The following PKD1L3 variants were observed in gnomAD, a reference collection of about 807,000 sequenced individuals.
PKD1L3 encodes polycystin-1-like protein 3.
A neutral mutation model predicts 184.1 loss-of-function variants in PKD1L3; 239 were observed. The ratio of observed to expected loss-of-function variants is 1.30; its 90% CI spans 1.17 to 1.45. The LOEUF is 1.45. Ranked by LOEUF, PKD1L3 falls within the 40% of genes most tolerant of loss-of-function variation. The probability of loss-of-function intolerance (pLI) is 0.00; values close to 1 mark genes in which losing one functional copy is unlikely to be tolerated. For missense variants in PKD1L3, 2,660 were observed against 2,067.2 expected, an observed-to-expected ratio of 1.29 and a Z score of -5.56; for synonymous variants, 996 against 778.8, an observed-to-expected ratio of 1.28 and a Z score of -4.64.
At chr16:71,955,444 C>CA (rs1016308680) in intron 16 of PKD1L3, among the ~76,000 whole-genome samples, 2 of 150,046 alleles carry the variant, frequency 1.3e-5, no homozygotes, top group African/African-American at 2.4e-5. Flanking sequence ...AAAAAACAAA[C>CA]AAAAAAAGGG....
chr16:71,944,411 G>A (rs191227290), intron 22 of PKD1L3, among the ~76,000 whole-genome samples: 320 of 152,236 alleles, frequency 2.1e-3, no homozygotes, highest in Middle Eastern at 0.014. Flanking sequence ...TGAACACAGC[G>A]GCTCATGCCT....
intron 24 of PKD1L3, 143 bp downstream of exon 24, chr16:71,942,417 T>C: frequency 1.5e-6 from 1 of 649,482 alleles, no homozygotes; most frequent in Non-Finnish European, 2.6e-6. Flanking sequence ...AAAACACTTT[T>C]GGAGATGTAA....
Position 71,929,544 on chromosome 16 carries a change from T to G in PKD1L3, c.5193A>C (p.Leu1731=). The G allele has an allele frequency of 6.4e-7, 1 of 1,550,530 alleles. No individual in the cohort carries two copies. Among genetic ancestry groups the G allele is most frequent in the Non-Finnish European group, 8.7e-7 (1 of 1,146,668 alleles). The part of the protein sequence containing the change: ...VGSDTEVLDE[L]P ...CAAGTAGGAGATAACAGGATTAAGGTAGTTCATCTAAAACTTCAGTGTCAC... is the reference window on the plus strand; with the variant it reads ...CAAGTAGGAGATAACAGGATTAAGGGAGTTCATCTAAAACTTCAGTGTCAC... Residue 1731 remains leucine, a synonymous_variant, in exon 30 of 30, where the codon CTA becomes CTC. Coordinates refer to ENST00000620267, the MANE Select transcript of PKD1L3 (RefSeq NM_181536.2).
At chr16:71,988,498 A>G (rs923060807) in intron 4 of PKD1L3, among the ~76,000 whole-genome samples, 7 of 152,200 alleles carry the variant, frequency 4.6e-5, no homozygotes, top group Admixed American at 6.5e-5. Flanking sequence ...CCAAGCCAGC[A>G]AACGTGAAAG....
At position 71,950,167 on chromosome 16, in the gene PKD1L3, G is replaced by A. The variant is rs1317287797; in HGVS notation, c.3334C>T (p.Gln1112Ter). The A allele has an allele frequency of 7.7e-6, 12 of 1,552,140 alleles. No homozygotes were observed. Among genetic ancestry groups the A allele is most frequent in the African/African-American group, 1.4e-5 (1 of 73,028 alleles). ...LDAASQLQKL[Q>*]ELLETHILPT... ...AGAATATGTGTTTCCAAGAGTTCCT[G>A]GAGTTTTTGAAGTTGGCTGGCTGCA... The change falls in exon 20 of 30, where the codon CAG (glutamine) becomes TAG (stop). Residue 1112 changes from glutamine (Q) to a stop codon, truncating the protein, a stop_gained. Coordinates refer to ENST00000620267, the MANE Select transcript of PKD1L3 (RefSeq NM_181536.2). LOFTEE classifies it high-confidence loss of function.
intron 22 of PKD1L3, among the ~76,000 whole-genome samples, chr16:71,946,973 G>C (rs1252274103): frequency 6.7e-6 from 1 of 150,324 alleles, no homozygotes; most frequent in African/African-American, 2.4e-5. Flanking sequence ...AAATGTAGGG[G>C]AGTCCGGGGG....
At chr16:71,930,379 G>T in intron 28 of PKD1L3, 196 bp from the exon 29 acceptor site, 2 of 451,248 alleles carry the variant, frequency 4.4e-6, no homozygotes, top group Non-Finnish European at 7.4e-6. Context: ...ATTTTAAGGA[G>T]GTTAAGATAA....
At chr16:71,956,613 T>C (rs1264870034) in intron 16 of PKD1L3, among the ~76,000 whole-genome samples, 1 of 152,024 alleles carries the variant, frequency 6.6e-6, no homozygotes, top group Non-Finnish European at 1.5e-5. Context: ...ACATGAGGAA[T>C]GTGAAGTAAT....
chr16:71,931,894 C>T (rs754094325), intron 28 of PKD1L3, among the ~76,000 whole-genome samples: 6 of 152,002 alleles, frequency 3.9e-5, no homozygotes, highest in Non-Finnish European at 5.9e-5. Context: ...GTTGTTACAC[C>T]GGTTTGTGGT....
At chr16:71,973,748 T>C (rs2039810293) in intron 11 of PKD1L3, among the ~76,000 whole-genome samples, 1 of 152,152 alleles carries the variant, frequency 6.6e-6, no homozygotes, top group Non-Finnish European at 1.5e-5. Flanking sequence ...ACGCCTATAA[T>C]CTCAGCACTT....
chr16:71,998,220 G>A, intron 2 of PKD1L3, 52 bp downstream of exon 2: 1 of 1,547,250 alleles, frequency 6.5e-7, no homozygotes, highest in Non-Finnish European at 8.7e-7. Context: ...TCCTTATTTA[G>A]AATCAGTTTC....
Position 71,937,388 on chromosome 16 carries a change from G to A in PKD1L3, c.4356C>T (p.Ser1452=), listed in dbSNP as rs2038216991. 6.4e-7 allele frequency: 1 copy of A among 1,551,688 alleles called. No homozygotes were observed. Among genetic ancestry groups the A allele is most frequent in the Non-Finnish European group, 8.7e-7 (1 of 1,146,982 alleles). The change falls in exon 25 of 30, where the codon AGC becomes AGT. Residue 1452 remains serine (S), a synonymous_variant. Transcript: ENST00000620267. ...GAFFTSLRLE[S]FTSLQMSKKG... ...TCTTTGACATCTGAAGGGAAGTGAA[G>A]CTTTCCAGTCTCAAAGAGGTGAAGA...
At chr16:71,971,473 G>C (rs1392415373) in intron 12 of PKD1L3, among the ~76,000 whole-genome samples, 1 of 152,132 alleles carries the variant, frequency 6.6e-6, no homozygotes, top group Non-Finnish European at 1.5e-5. Context: ...TCTGCCTTTG[G>C]AAGAACTCTT....
At chr16:71,993,850 C>G (rs926443576) in intron 2 of PKD1L3, among the ~76,000 whole-genome samples, 5 of 152,222 alleles carry the variant, frequency 3.3e-5, no homozygotes, top group Non-Finnish European at 1.5e-5. Flanking sequence ...TCTGGGCTCA[C>G]TGCAATCTGC....
chr16:71,929,731 T>A (rs1436772261), intron 29 of PKD1L3, 53 bp from the exon 30 acceptor site: 10 of 1,429,860 alleles, frequency 7.0e-6, no homozygotes, highest in Non-Finnish European at 9.4e-6. Context: ...TTACTGCTAA[T>A]AGTGGAGTAA....
In PKD1L3 at chr16:71,944,307, A is replaced by C. The variant is rs771901281; in HGVS notation, c.3719-137T>G. The C allele has an allele frequency of 7.1e-6, 6 of 848,692 alleles. No homozygotes were observed. In the East Asian group the frequency reaches 1.6e-4, roughly 23 times the overall value. 52.6% of individuals were successfully genotyped at this position (848,692 alleles called of 1,614,324 possible). On this transcript the variant is annotated intron_variant, in intron 22 of 29. Transcript: ENST00000620267. ...TAAAACTACCTATGCAGTGCTTCTTAAACTCTCTATTATAAAGGACCTGTT... is the reference window on the plus strand; with the variant it reads ...TAAAACTACCTATGCAGTGCTTCTTCAACTCTCTATTATAAAGGACCTGTT...
At position 71,935,518 on chromosome 16, in the gene PKD1L3, C is replaced by T; in HGVS notation, c.4453G>A (p.Gly1485Ser). The change falls in exon 26 of 30, where the codon GGT (glycine) becomes AGT (serine). Residue 1485 changes from glycine (G) to serine (S), a missense_variant and splice_region_variant. Transcript: ENST00000620267. ...LLVCYYAFIQ[G>S]CQLKQQKWRF... ...CACTTCTGCTGTTTCAGCTGACAACCCTAAACATAGACAGCACAGTCACTG... is the reference window on the plus strand; with the variant it reads ...CACTTCTGCTGTTTCAGCTGACAACTCTAAACATAGACAGCACAGTCACTG... The T allele has an allele frequency of 6.4e-7, 1 of 1,551,786 alleles. No homozygotes were observed. Among genetic ancestry groups the T allele is most frequent in the African/African-American group, 1.4e-5 (1 of 73,142 alleles).
chr16:71,961,965 C>T (rs1238868021), intron 16 of PKD1L3, among the ~76,000 whole-genome samples: 2 of 152,180 alleles, frequency 1.3e-5, no homozygotes, highest in Non-Finnish European at 2.9e-5. Flanking sequence ...GATAGAGCCA[C>T]TGAGGCTGGA....
intron 15 of PKD1L3, 33 bp from the exon 16 acceptor site, chr16:71,963,384 G>T: frequency 3.3e-6 from 5 of 1,517,292 alleles, no homozygotes; most frequent in Non-Finnish European, 4.4e-6. Context: ...ACATTAGGGA[G>T]ATGGGCTTGA....
Sources: gnomAD v4.1 joint callset for allele counts (sites outside exome capture counted in the v4.1 genomes callset) on GRCh38, gnomAD v4.1.1 for gene constraint, MANE v1.5 for transcripts, NCBI Gene and HGNC (gene_info 2026-07-23, HGNC 2026-07-21) for gene names.